The following ADAMTSL1 variants were observed in gnomAD, a reference collection of about 807,000 sequenced individuals.
The protein encoded by ADAMTSL1 is ADAMTS like 1.
ADAMTSL1 carries 126 observed loss-of-function variants against 201.8 expected under a neutral mutation model. The observed-to-expected ratio is 0.62, with a 90% CI of 0.54 to 0.72. The LOEUF is 0.72. Among genes scored for constraint, ADAMTSL1 ranks in the 30% least tolerant of loss-of-function variants. The pLI is 0.00. For synonymous variants in ADAMTSL1, 1,121 were observed against 903.4 expected, an observed-to-expected ratio of 1.24 and a Z score of -4.32; for missense variants, 2,679 against 2,277.8, an observed-to-expected ratio of 1.18 and a Z score of -3.59.
chr9:18,563,966 G>A (rs1016753897), intron 3 of ADAMTSL1, among the ~76,000 whole-genome samples: 4 of 152,260 alleles, frequency 2.6e-5, no homozygotes, highest in Admixed American at 1.3e-4. Flanking sequence ...GGTGGCATCC[G>A]CTAAGCTAGA....
chr9:18,073,299 C>T (rs1240892901), intron 1 of ADAMTSL1, among the ~76,000 whole-genome samples: 2 of 152,086 alleles, frequency 1.3e-5, no homozygotes, highest in East Asian at 1.9e-4. Flanking sequence ...AGTGATTCAG[C>T]CTGTGTGAAT....
intron 1 of ADAMTSL1, among the ~76,000 whole-genome samples, chr9:18,068,570 C>A (rs887646190): frequency 6.6e-6 from 1 of 151,952 alleles, no homozygotes; most frequent in Non-Finnish European, 1.5e-5. Flanking sequence ...AATGGTAAAC[C>A]CCACAAGGAA....
intron 2 of ADAMTSL1, among the ~76,000 whole-genome samples, chr9:18,412,549 C>A (rs537569331): frequency 6.6e-6 from 1 of 152,118 alleles, no homozygotes; most frequent in African/African-American, 2.4e-5. Context: ...CATTCTTTTC[C>A]TTTATTTGTC....
chr9:18,703,701 C>CATATATATATATATATATATATATATAT lies in ADAMTSL1; in HGVS notation c.1575-3039_1575-3012dup, dbSNP rs72258520. ...AATTACACACGTGCATGCGCACATACATATATATATATATATATATATATA... is the reference window on the plus strand; with the variant it reads ...AATTACACACGTGCATGCGCACATACATATATATATATATATATATATATATATATATATATATATATATATATATATA... On this transcript the variant is annotated intron_variant, in intron 13 of 28. Coordinates refer to ENST00000380548, the MANE Select transcript of ADAMTSL1 (RefSeq NM_001040272.6). Among the ~76,000 whole-genome samples, 97 of 78,782 alleles carry CATATATATATATATATATATATATATAT rather than the reference C, an allele frequency of 1.2e-3. 9 individuals carry two copies. The highest frequency in any genetic ancestry group is 2.5e-3 in the East Asian group (8 of 3,196). 51.7% of individuals were successfully genotyped at this position (78,782 alleles called of 152,430 possible).
At chr9:17,917,549 T>C (rs1327962006) in intron 1 of ADAMTSL1, among the ~76,000 whole-genome samples, 1 of 152,026 alleles carries the variant, frequency 6.6e-6, no homozygotes, top group East Asian at 1.9e-4. Context: ...AAGCCCAAAT[T>C]GATCATAATA....
chr9:18,468,440 G>C (rs1821088860), intron 2 of ADAMTSL1, among the ~76,000 whole-genome samples: 2 of 152,200 alleles, frequency 1.3e-5, no homozygotes, highest in South Asian at 4.2e-4. Context: ...GACATGTCCA[G>C]TGGCTACTTC....
chr9:18,160,997 T>C (rs76867831), intron 1 of ADAMTSL1, among the ~76,000 whole-genome samples: 2,730 of 151,858 alleles, frequency 0.018, 101 homozygotes, highest in African/African-American at 0.063. Context: ...CAGGATTAAA[T>C]AGAATTTTAA....
chr9:18,722,988 T>G (rs1817636606), intron 15 of ADAMTSL1: 2 of 775,862 alleles, frequency 2.6e-6, no homozygotes, highest in South Asian at 2.7e-5. Flanking sequence ...CCAACTTTTC[T>G]ATTTGACTAC....
intron 1 of ADAMTSL1, among the ~76,000 whole-genome samples, chr9:18,120,351 T>C (rs1038382467): frequency 6.6e-6 from 1 of 152,132 alleles, no homozygotes; most frequent in Non-Finnish European, 1.5e-5. Context: ...ATCTCAGAAG[T>C]GGCACAGCAT....
chr9:18,740,478 CTT>C lies in ADAMTSL1; in HGVS notation c.2007-12804_2007-12803del, dbSNP rs11449360. Reference sequence around the variant, plus strand: ...CTTTCTTTTTTTTTTTTTCTTTTATCTTTTTTTTTTTTTTTTTGAGAGGAGTC... The same window carrying C: ...CTTTCTTTTTTTTTTTTTCTTTTATCTTTTTTTTTTTTTTTGAGAGGAGTC... On this transcript the variant is annotated intron_variant, in intron 15 of 28. Transcript: ENST00000380548. Among the ~76,000 whole-genome samples, 16 of 105,654 alleles carry C rather than the reference CTT, an allele frequency of 1.5e-4. 4 individuals are homozygous for C. The highest frequency in any genetic ancestry group is 2.8e-4 in the East Asian group (1 of 3,550). The allele number at this position is 105,654 out of a possible 152,430, so 69.3% of individuals were successfully genotyped here.
intron 7 of ADAMTSL1, among the ~76,000 whole-genome samples, chr9:18,650,059 A>G (rs368872534): frequency 6.6e-6 from 1 of 152,192 alleles, no homozygotes; most frequent in Non-Finnish European, 1.5e-5. Context: ...TCGAGCTTCC[A>G]GGCTGCTTTG....
chr9:18,425,699 A>T (rs925603601), intron 2 of ADAMTSL1, among the ~76,000 whole-genome samples: 14 of 149,020 alleles, frequency 9.4e-5, no homozygotes, highest in East Asian at 3.9e-4. Flanking sequence ...AAATAAGTTT[A>T]AAAAAAAAAT....
chr9:18,127,056 G>C (rs75052227), intron 1 of ADAMTSL1, among the ~76,000 whole-genome samples: 6,997 of 152,216 alleles, frequency 0.046, 230 homozygotes, highest in Non-Finnish European at 0.07. Flanking sequence ...GCAGCTAGGA[G>C]TTGTAAAGAC....
intron 26 of ADAMTSL1, among the ~76,000 whole-genome samples, chr9:18,895,131 C>A (rs897638609): frequency 6.6e-6 from 1 of 152,160 alleles, no homozygotes; most frequent in Non-Finnish European, 1.5e-5. Flanking sequence ...ATCAAACCAG[C>A]AATAGGTTTA....
At chr9:18,124,133 A>C (rs1163837900) in intron 1 of ADAMTSL1, among the ~76,000 whole-genome samples, 1 of 116,220 alleles carries the variant, frequency 8.6e-6, no homozygotes, top group Non-Finnish European at 1.6e-5. Context: ...TCCAGTATGG[A>C]GTGCAGTGGC....
Position 18,032,902 on chromosome 9 carries a change from C to G in ADAMTSL1, c.87+125980C>G, listed in dbSNP as rs559261241. Among the ~76,000 whole-genome samples the G allele has an allele frequency of 2.6e-5, 4 of 152,168 alleles. No homozygotes were observed. The East Asian group carries it at 7.8e-4, about 30-fold the overall frequency. On this transcript the variant is annotated intron_variant, in intron 1 of 29. Transcript: ENST00000680146. ...CTCAGTGACTCTGTGTGGGGCTTCC[C>G]ACTTCCTCCTTCTTCAGCTTCAGTG...
chr9:18,617,407 C>G (rs1289953873), intron 4 of ADAMTSL1, among the ~76,000 whole-genome samples: 2 of 151,652 alleles, frequency 1.3e-5, no homozygotes, highest in African/African-American at 4.8e-5. Flanking sequence ...GAAACCCCTA[C>G]TGCAGGCCTG....
intron 21 of ADAMTSL1, among the ~76,000 whole-genome samples, chr9:18,819,314 G>C (rs1824060452): frequency 6.6e-6 from 1 of 152,080 alleles, no homozygotes; most frequent in African/African-American, 2.4e-5. Flanking sequence ...AAATTAGCCA[G>C]GCATGGTGGC....
intron 2 of ADAMTSL1, among the ~76,000 whole-genome samples, chr9:18,366,111 A>T (rs1836755835): frequency 6.6e-6 from 1 of 151,962 alleles, no homozygotes; most frequent in Non-Finnish European, 1.5e-5. Flanking sequence ...AGTAATAATG[A>T]TATAATCTAC....
Sources: gnomAD v4.1 joint callset for allele counts (sites outside exome capture counted in the v4.1 genomes callset) on GRCh38, gnomAD v4.1.1 for gene constraint, MANE v1.5 for transcripts, NCBI Gene and HGNC (gene_info 2026-07-23, HGNC 2026-07-21) for gene names.